HIVEP3: variants seen among roughly 807,000 people sequenced by gnomAD.
The protein encoded by HIVEP3 is transcription factor HIVEP3.
Under a neutral mutation model 152.8 loss-of-function variants are expected in HIVEP3, and 49 were observed. The ratio of observed to expected loss-of-function variants is 0.32; its 90% CI spans 0.26 to 0.41. The LOEUF is 0.41. Ranked by LOEUF, HIVEP3 falls within the 10% of genes least tolerant of loss-of-function variation. The probability of loss-of-function intolerance (pLI) is 1.00; values close to 1 mark genes in which losing one functional copy is unlikely to be tolerated. For missense variants in HIVEP3, 2,790 were observed against 3,103.3 expected (o/e 0.90, Z 2.40); for synonymous variants, 1,269 against 1,289.0 (o/e 0.98, Z 0.33).
chr1:41,536,793 A>G (rs938945491), intron 5 of HIVEP3, among the ~76,000 whole-genome samples: 2 of 152,192 alleles, frequency 1.3e-5, no homozygotes, highest in Admixed American at 1.3e-4. Context: ...ATTAAATCAC[A>G]TGACAGCCCT....
In HIVEP3 at chr1:41,538,828, A is replaced by G. The variant is rs148945001; in HGVS notation, c.5208-13918T>C. Among the ~76,000 whole-genome samples, 779 of 152,132 alleles carry G rather than the reference A, an allele frequency of 5.1e-3. 3 individuals carry two copies. The highest frequency in any genetic ancestry group is 0.018 in the African/African-American group (747 of 41,488). ...TGAAATGAAACTGTCAGAGGAGTGG[A>G]TGCCTTCACTGCGAACATTAGGTGG... On this transcript the variant is annotated intron_variant, in intron 5 of 8. Transcript: ENST00000372583.
Position 41,584,395 on chromosome 1 carries a change from C to T in HIVEP3, c.403G>A (p.Ala135Thr). 1 of 1,613,812 alleles carries T rather than the reference C, an allele frequency of 6.2e-7. No homozygotes were observed. The highest frequency in any genetic ancestry group is 8.5e-7 in the Non-Finnish European group (1 of 1,179,846). Reference sequence around the variant, plus strand: ...TGGCTCTGAGGATGGAGCCCAGGGGCCACGAAGGAGCCAGAGGGTCCAGGT... The same window carrying T: ...TGGCTCTGAGGATGGAGCCCAGGGGTCACGAAGGAGCCAGAGGGTCCAGGT... Reference protein sequence around the residue: ...MRPGPSGSFVAPGLHPQSQLL... With the variant: ...MRPGPSGSFVTPGLHPQSQLL... Residue 135 changes from alanine to threonine, a missense_variant, in exon 4 of 9, where the codon GCC becomes ACC. By Grantham distance (58) the Ala-to-Thr change is moderately conservative. This residue lies in a region of HIVEP3 where 209 missense variants were observed against 237.0 expected (regional missense o/e 0.88). Transcript: ENST00000372583. This position sits in a 1 kb window ranked among gnomAD's most constrained non-coding sequence, Gnocchi z 5.2.
chr1:41,510,550 C>A lies in HIVEP3; in HGVS notation c.7122G>T (p.Gly2374=), dbSNP rs758363348. The part of the protein sequence containing the change: ...RFPARTRNLS[G]EPRTRQDSPK... ...GGGAGTCCTGCCTGGTCCTGGGTTCCCCGGAGAGGTTCCTCGTCCGGGCTG... is the reference window on the plus strand; with the variant it reads ...GGGAGTCCTGCCTGGTCCTGGGTTCACCGGAGAGGTTCCTCGTCCGGGCTG... The change falls in exon 9 of 9, where the codon GGG becomes GGT. Residue 2374 remains glycine, a synonymous_variant. Coordinates refer to ENST00000372583, the MANE Select transcript of HIVEP3 (RefSeq NM_024503.5). The A allele has an allele frequency of 8.9e-6, 14 of 1,574,744 alleles. No individual in the cohort carries two copies. In the South Asian group the frequency reaches 1.5e-4, roughly 17 times the overall value.
At chr1:41,828,470 C>T (rs1262790674) in intron 1 of HIVEP3, among the ~76,000 whole-genome samples, 1 of 152,180 alleles carries the variant, frequency 6.6e-6, no homozygotes, top group Non-Finnish European at 1.5e-5. Context: ...CAAAATATGA[C>T]CCCCTCCTTT....
intron 3 of HIVEP3, among the ~76,000 whole-genome samples, chr1:41,597,765 G>A (rs1227409098): frequency 1.3e-5 from 2 of 152,200 alleles, no homozygotes; most frequent in Non-Finnish European, 2.9e-5. Flanking sequence ...TAAGGGCTAA[G>A]CTTGTTAACC....
At chr1:41,785,405 A>G (rs1649290091) in intron 1 of HIVEP3, among the ~76,000 whole-genome samples, 3 of 152,220 alleles carry the variant, frequency 2.0e-5, no homozygotes, top group Admixed American at 1.3e-4. Context: ...GGGATTTAGG[A>G]TGGATCAAAG....
intron 1 of HIVEP3, among the ~76,000 whole-genome samples, chr1:42,014,329 G>C (rs1185994244): frequency 6.6e-6 from 1 of 152,046 alleles, no homozygotes; most frequent in African/African-American, 2.4e-5. Flanking sequence ...AGCAGGGTGA[G>C]AGTTCGGGGA....
intron 2 of HIVEP3, among the ~76,000 whole-genome samples, chr1:41,638,262 G>GAAAGAA (rs753664792): frequency 7.8e-6 from 1 of 127,600 alleles, no homozygotes; most frequent in East Asian, 4.5e-4. Flanking sequence ...GAGAGAGAAA[G>GAAAGAA]AAAGAAAGAA....
At chr1:41,591,891 A>G (rs780983889) in intron 3 of HIVEP3, among the ~76,000 whole-genome samples, 7 of 151,864 alleles carry the variant, frequency 4.6e-5, no homozygotes, top group Non-Finnish European at 1.0e-4. Flanking sequence ...GACCGACCCA[A>G]CGAGAGCGGG....
At chr1:41,980,501 T>A (rs560489673) in intron 1 of HIVEP3, among the ~76,000 whole-genome samples, 1 of 152,288 alleles carries the variant, frequency 6.6e-6, no homozygotes, top group East Asian at 1.9e-4. Context: ...ATAAGGCAGA[T>A]CTATAGCGAC....
At chr1:41,858,658 T>C (rs149934803) in intron 1 of HIVEP3, among the ~76,000 whole-genome samples, 3 of 152,324 alleles carry the variant, frequency 2.0e-5, no homozygotes, top group African/African-American at 4.8e-5. Flanking sequence ...GGATCATGTT[T>C]TCCATAGAGC....
chr1:42,020,608 T>C (rs1645548207), intron 1 of HIVEP3, among the ~76,000 whole-genome samples: 1 of 152,210 alleles, frequency 6.6e-6, no homozygotes, highest in South Asian at 2.1e-4. Flanking sequence ...TATGCTGTGC[T>C]ACCTCTATCA....
chr1:41,727,301 C>T (rs1010684678), intron 1 of HIVEP3, among the ~76,000 whole-genome samples: 1 of 152,172 alleles, frequency 6.6e-6, no homozygotes, highest in African/African-American at 2.4e-5. Context: ...GATCCTAGGG[C>T]GATCTGACAG....
At position 41,808,726 on chromosome 1, in the gene HIVEP3, G is replaced by T. The variant is rs555691761; in HGVS notation, c.-800-107731C>A. 4.6e-5 allele frequency among the ~76,000 whole-genome samples: 7 copies of T among 152,308 alleles called. No individual in the cohort carries two copies. The East Asian group carries it at 1.3e-3, about 29-fold the overall frequency. On this transcript the variant is annotated intron_variant, in intron 1 of 8. Coordinates refer to ENST00000372583, the MANE Select transcript of HIVEP3 (RefSeq NM_024503.5). ...CCTTTATTTATTTTTCAGATTTGGGGGTAGAAGTGAAATGGAATTATTGCC... is the reference window on the plus strand; with the variant it reads ...CCTTTATTTATTTTTCAGATTTGGGTGTAGAAGTGAAATGGAATTATTGCC...
intron 1 of HIVEP3, among the ~76,000 whole-genome samples, chr1:41,964,990 G>C (rs1385836954): frequency 1.3e-5 from 2 of 152,212 alleles, no homozygotes; most frequent in Non-Finnish European, 2.9e-5. Flanking sequence ...GGGGTCACCA[G>C]ACATCTTATA....
chr1:41,558,355 A>T (rs2475838), intron 5 of HIVEP3, among the ~76,000 whole-genome samples: 1 of 152,036 alleles, frequency 6.6e-6, no homozygotes, highest in African/African-American at 2.4e-5. Flanking sequence ...TGGTTAGACT[A>T]GCGTAAGCTA....
At chr1:41,944,099 G>A (rs78038796) in intron 1 of HIVEP3, among the ~76,000 whole-genome samples, 3,428 of 152,288 alleles carry the variant, frequency 0.023, 62 homozygotes, top group Middle Eastern at 0.037. Context: ...GTGGAATGAT[G>A]GTTGCCAGGG....
chr1:42,012,437 A>AGG (rs1181851310), intron 1 of HIVEP3, among the ~76,000 whole-genome samples: 1 of 152,130 alleles, frequency 6.6e-6, no homozygotes, highest in African/African-American at 2.4e-5. Flanking sequence ...TTATAAGAGG[A>AGG]AGAGCATTTT....
chr1:41,631,653 AC>A (rs1394917215), intron 2 of HIVEP3, among the ~76,000 whole-genome samples: 3 of 150,718 alleles, frequency 2.0e-5, no homozygotes, highest in Admixed American at 6.6e-5. Flanking sequence ...GCCCCCTCCT[AC>A]CCCCAGGGCA....
Sources: allele counts gnomAD v4.1 joint callset (sites outside exome capture counted in the v4.1 genomes callset), GRCh38; gene constraint gnomAD v4.1.1; regional missense constraint gnomAD v4.1.1; non-coding constraint Gnocchi (gnomAD v3.1); transcripts MANE v1.5; gene names NCBI Gene and HGNC (gene_info 2026-07-23, HGNC 2026-07-21).